The following TTLL7 variants were observed in gnomAD, a reference collection of about 807,000 sequenced individuals.
The protein encoded by TTLL7 is tubulin polyglutamylase TTLL7.
TTLL7 carries 53 observed loss-of-function variants against 120.2 expected under a neutral mutation model. The ratio of observed to expected loss-of-function variants is 0.44; its 90% CI spans 0.35 to 0.55. The LOEUF is 0.55. TTLL7 is among the 20% of genes least tolerant of loss of function. The pLI, the probability that TTLL7 is intolerant of heterozygous loss-of-function variation, is 0.00. For missense variants in TTLL7, 803 were observed against 1,054.7 expected (o/e 0.76, Z 3.31); for synonymous variants, 353 against 351.7 (o/e 1.00, Z -0.04).
At chr1:83,994,975 A>C (rs987381600) in intron 1 of TTLL7, among the ~76,000 whole-genome samples, 7 of 152,184 alleles carry the variant, frequency 4.6e-5, no homozygotes, top group Admixed American at 4.6e-4. Context: ...ACAACACTGG[A>C]ACCAGAAAGT....
intron 1 of TTLL7, among the ~76,000 whole-genome samples, chr1:83,964,961 A>G (rs1015609846): frequency 2.0e-5 from 3 of 152,128 alleles, no homozygotes; most frequent in African/African-American, 7.2e-5. Flanking sequence ...AAGTCTTACT[A>G]GAAAAAAAAT....
chr1:83,960,562 G>A (rs1649923512), intron 1 of TTLL7, among the ~76,000 whole-genome samples: 1 of 152,096 alleles, frequency 6.6e-6, no homozygotes, highest in Non-Finnish European at 1.5e-5. Flanking sequence ...AGACAGAAGA[G>A]CCAGTTTGAG....
chr1:83,942,404 T>C, intron 7 of TTLL7, 59 bp downstream of exon 7: 1 of 1,442,258 alleles, frequency 6.9e-7, no homozygotes, highest in Non-Finnish European at 9.7e-7. Context: ...TAATGGATGC[T>C]TTAAAAAGTA....
At chr1:83,923,096 A>C in intron 10 of TTLL7, among the ~76,000 whole-genome samples, 1 of 150,644 alleles carries the variant, frequency 6.6e-6, no homozygotes, top group East Asian at 1.9e-4. Flanking sequence ...GTTTCCCCTA[A>C]TTAAGGGTAA....
At chr1:83,972,283 C>A (rs1221125664) in intron 1 of TTLL7, among the ~76,000 whole-genome samples, 3 of 152,076 alleles carry the variant, frequency 2.0e-5, no homozygotes, top group African/African-American at 7.2e-5. Flanking sequence ...TCCCTCCCAA[C>A]CCCTGGCAAC....
intron 18 of TTLL7, among the ~76,000 whole-genome samples, chr1:83,899,385 T>A (rs1474680995): frequency 6.6e-6 from 1 of 151,934 alleles, no homozygotes; most frequent in East Asian, 1.9e-4. Flanking sequence ...CCTGTTTAAA[T>A]CCTGGGCTTC....
chr1:83,897,479 T>A (rs2100744884), intron 18 of TTLL7, among the ~76,000 whole-genome samples: 1 of 152,232 alleles, frequency 6.6e-6, no homozygotes. Context: ...ACGCACAGCC[T>A]TTGTGGCAGC....
intron 1 of TTLL7, among the ~76,000 whole-genome samples, chr1:83,953,968 C>G (rs920446649): frequency 2.9e-4 from 44 of 152,134 alleles, no homozygotes; most frequent in African/African-American, 1.0e-3. Context: ...AAGCTGGAAA[C>G]AGACTGGATC....
chr1:83,925,689 A>G (rs986534820), intron 10 of TTLL7, among the ~76,000 whole-genome samples: 1 of 152,188 alleles, frequency 6.6e-6, no homozygotes, highest in Non-Finnish European at 1.5e-5. Flanking sequence ...AACTTTGGCA[A>G]AGCAAACTGG....
chr1:83,890,708 AG>A (rs35828469), intron 18 of TTLL7, among the ~76,000 whole-genome samples: 65,797 of 151,936 alleles, frequency 0.43, 15,599 homozygotes, highest in Non-Finnish European at 0.54. Flanking sequence ...CAAGTAGTCA[AG>A]GATGCAGTAA....
chr1:83,882,158 C>T (rs950918815), intron 20 of TTLL7, among the ~76,000 whole-genome samples: 7 of 151,102 alleles, frequency 4.6e-5, no homozygotes, highest in Non-Finnish European at 7.4e-5. Context: ...TTAATGGGTG[C>T]AACACACCAG....
chr1:83,921,340 C>T lies in TTLL7; in HGVS notation c.1197G>A (p.Arg399=). 6.2e-7 allele frequency: 1 copy of T among 1,612,378 alleles called. No individual in the cohort carries two copies. The highest frequency in any genetic ancestry group is 8.5e-7 in the Non-Finnish European group (1 of 1,179,750). The change falls in exon 11 of 21, where the codon AGG becomes AGA. Residue 399 remains arginine, a synonymous_variant. Transcript: ENST00000260505. ...LAKQKAEAQR[R]LYGQNSIKRL... ...TTTTAATTGAATTTTGACCATAGAG[C>T]CTCCTTTGAGCCTCAGCTTTTTGTT...
intron 7 of TTLL7, among the ~76,000 whole-genome samples, chr1:83,940,015 A>C (rs576961489): frequency 1.3e-5 from 2 of 152,230 alleles, no homozygotes; most frequent in South Asian, 2.1e-4. Flanking sequence ...TAGAAATTCA[A>C]TCATGAAATT....
intron 14 of TTLL7, among the ~76,000 whole-genome samples, chr1:83,915,875 A>C (rs1400995392): frequency 1.3e-5 from 2 of 152,236 alleles, no homozygotes; most frequent in Admixed American, 6.5e-5. Flanking sequence ...ATGCAGTCAA[A>C]AGACACATGA....
chr1:83,941,582 GTTAA>G (rs1297251154), intron 7 of TTLL7, among the ~76,000 whole-genome samples: 1 of 152,094 alleles, frequency 6.6e-6, no homozygotes, highest in Admixed American at 6.6e-5. Context: ...ACTTAATGGA[GTTAA>G]TTGTGTGCAT....
intron 10 of TTLL7, among the ~76,000 whole-genome samples, chr1:83,924,811 T>A (rs973167295): frequency 1.3e-5 from 2 of 152,162 alleles, no homozygotes; most frequent in Admixed American, 6.6e-5. Context: ...TGAGAACAAG[T>A]GCAAAGCTAC....
chr1:83,925,485 G>C (rs1050322407), intron 10 of TTLL7, among the ~76,000 whole-genome samples: 1 of 152,218 alleles, frequency 6.6e-6, no homozygotes, highest in African/African-American at 2.4e-5. Flanking sequence ...AAATGGGATG[G>C]AGGTTAGTGC....
intron 17 of TTLL7, 82 bp from the exon 18 acceptor site, chr1:83,904,241 T>C: frequency 1.0e-6 from 1 of 999,246 alleles, no homozygotes; most frequent in Non-Finnish European, 1.5e-6. Context: ...AGCACTATAA[T>C]ATACTTGCAA....
intron 18 of TTLL7, among the ~76,000 whole-genome samples, chr1:83,891,984 T>C (rs947897646): frequency 6.6e-5 from 10 of 151,750 alleles, no homozygotes; most frequent in African/African-American, 2.4e-4. Flanking sequence ...CACACCACCA[T>C]GCCCGGCTAA....
Sources: gnomAD v4.1 joint callset for allele counts (sites outside exome capture counted in the v4.1 genomes callset) on GRCh38, gnomAD v4.1.1 for gene constraint, MANE v1.5 for transcripts, NCBI Gene and HGNC (gene_info 2026-07-23, HGNC 2026-07-21) for gene names.